Variants in SKOR2 observed in about 807,000 individuals in gnomAD.
The protein encoded by SKOR2 is SKI family transcriptional corepressor 2.
SKOR2 carries 47 observed loss-of-function variants against 69.1 expected under a neutral mutation model. The ratio of observed to expected loss-of-function variants is 0.68; its 90% CI spans 0.54 to 0.87. The LOEUF (loss-of-function observed/expected upper bound fraction) is 0.87, where lower values mean the gene tolerates loss of function less well. SKOR2 is among the 40% of genes least tolerant of loss of function. SKOR2 has a pLI of 0.00. For missense variants in SKOR2, 1,404 were observed against 1,472.2 expected, an observed-to-expected ratio of 0.95 and a Z score of 0.76; for synonymous variants, 717 against 672.6, an observed-to-expected ratio of 1.07 and a Z score of -1.02.
In SKOR2 at chr18:47,246,692, G is replaced by A. The variant is rs1331806145; in HGVS notation, c.2492C>T (p.Ser831Leu). Residue 831 changes from serine to leucine, a missense_variant, in exon 2 of 9, where the codon TCG becomes TTG. This residue lies in a region of SKOR2 where 1,266 missense variants were observed against 1,309.9 expected (regional missense o/e 0.97). Coordinates refer to ENST00000425639, the MANE Select transcript of SKOR2 (RefSeq NM_001278063.4). ...CGGCGGCGGGGGCGGGGGCAGGTCC[G>A]AGCCGGGGTCCCCGAGTTTCCCGTC... ...QEDGKLGDPG[S>L]DLPPPPPPPL... 3 of 1,470,092 alleles carry A rather than the reference G, an allele frequency of 2.0e-6. No individual in the cohort carries two copies. The highest frequency in any genetic ancestry group is 1.3e-5 in the South Asian group (1 of 75,884). The allele number at this position is 1,470,092 out of a possible 1,614,324, so 91.1% of individuals were successfully genotyped here. A position where few individuals can be genotyped will look rare whatever the true frequency, so the allele number is the denominator to read the frequency against.
intron 6 of SKOR2, among the ~76,000 whole-genome samples, chr18:47,220,946 T>C (rs1206888999): frequency 6.6e-6 from 1 of 152,100 alleles, no homozygotes; most frequent in Non-Finnish European, 1.5e-5. Context: ...CACCATCATA[T>C]TCTCCCCTCT....
intron 8 of SKOR2, among the ~76,000 whole-genome samples, chr18:47,211,319 CCT>C (rs1414619155): frequency 2.0e-5 from 3 of 152,150 alleles, no homozygotes; most frequent in Non-Finnish European, 4.4e-5. Context: ...GGTTTTTTCC[CCT>C]GATTTAGCAA....
chr18:47,213,303 G>A (rs1370514099), intron 7 of SKOR2, among the ~76,000 whole-genome samples: 1 of 150,404 alleles, frequency 6.6e-6, no homozygotes, highest in Non-Finnish European at 1.5e-5. Context: ...GTGAAATATG[G>A]CTGTTAAGTA....
At chr18:47,242,890 T>C (rs1003104302) in intron 4 of SKOR2, among the ~76,000 whole-genome samples, 4 of 152,320 alleles carry the variant, frequency 2.6e-5, no homozygotes, top group Non-Finnish European at 5.9e-5. Flanking sequence ...TACTGGTGAA[T>C]GGAAAGCAGG....
chr18:47,233,276 A>C lies in SKOR2; in HGVS notation c.2753-2276T>G, dbSNP rs79635628. ...GGCTCAGATGTACTCTTGAACCTTG[A>C]TACCTTGGCTTTCTTCTCCATATAA... On this transcript the variant is annotated intron_variant, in intron 4 of 8. Transcript: ENST00000425639. Among the ~76,000 whole-genome samples the C allele has an allele frequency of 1.7e-3, 258 of 152,306 alleles. 2 individuals carry two copies. Among genetic ancestry groups the C allele is most frequent in the African/African-American group, 6.1e-3 (253 of 41,566 alleles).
Position 47,234,036 on chromosome 18 carries a change from G to A in SKOR2, c.2753-3036C>T, listed in dbSNP as rs938999084. 5.3e-5 allele frequency among the ~76,000 whole-genome samples: 8 copies of A among 152,292 alleles called. No homozygotes were observed. The South Asian group carries it at 8.3e-4, about 16-fold the overall frequency. On this transcript the variant is annotated intron_variant, in intron 4 of 8. Transcript: ENST00000425639. Reference sequence around the variant, plus strand: ...AAAATCTGCCAATTTTGAGCTTAGAGGATTCGAATGCCTCACTTACAAAGG... The same window carrying A: ...AAAATCTGCCAATTTTGAGCTTAGAAGATTCGAATGCCTCACTTACAAAGG...
chr18:47,249,526 G>A (rs2668771), intron 1 of SKOR2, among the ~76,000 whole-genome samples: 101,642 of 152,124 alleles, frequency 0.67, 35,289 homozygotes, highest in African/African-American at 0.88. Flanking sequence ...GGATTTATAG[G>A]AGCCGTTGGA....
At chr18:47,220,284 A>G (rs1178637006) in intron 6 of SKOR2, among the ~76,000 whole-genome samples, 1 of 152,052 alleles carries the variant, frequency 6.6e-6, no homozygotes, top group Non-Finnish European at 1.5e-5. Context: ...AATATCCCAC[A>G]CAATCATGTT....
rs115522183 is a variant in SKOR2, at chr18:47,240,539, C to G, written c.2752+4369G>C. Among the ~76,000 whole-genome samples the G allele has an allele frequency of 7.3e-3, 1,106 of 152,096 alleles. 11 individuals carry two copies. Among genetic ancestry groups the G allele is most frequent in the African/African-American group, 0.026 (1,060 of 41,452 alleles). ...GCTGCTTGAGAACTTCATGTTTGGT[C>G]CCTCAATTATACAGAATTATATCTG... On this transcript the variant is annotated intron_variant, in intron 4 of 8. Coordinates refer to ENST00000425639, the MANE Select transcript of SKOR2 (RefSeq NM_001278063.4).
chr18:47,238,320 CTTTTTT>C (rs772229985), intron 4 of SKOR2, among the ~76,000 whole-genome samples: 3 of 108,068 alleles, frequency 2.8e-5, no homozygotes, highest in Admixed American at 1.0e-4. Flanking sequence ...CTTTTCTTTT[CTTTTTT>C]TTTTTTTTTT....
At chr18:47,228,240 A>G (rs1056555040) in intron 6 of SKOR2, among the ~76,000 whole-genome samples, 1 of 152,352 alleles carries the variant, frequency 6.6e-6, no homozygotes, top group Admixed American at 6.5e-5. Context: ...ACTTGGGCAC[A>G]CACATGCCAC....
At chr18:47,214,995 A>T (rs56239329) in intron 7 of SKOR2, among the ~76,000 whole-genome samples, 13,180 of 54,004 alleles carry the variant, frequency 0.24, 614 homozygotes, top group Non-Finnish European at 0.27. Flanking sequence ...ACTGGAGTTT[A>T]AAAAAAAAAA....
Position 47,247,200 on chromosome 18 carries a change from G to C in SKOR2, c.1984C>G (p.His662Asp). Residue 662 changes from histidine (H) to aspartate (D), a missense_variant, in exon 2 of 9, where the codon CAC (histidine) becomes GAC (aspartate). Physicochemically the swap from His to Asp is moderately conservative, Grantham distance 81 (BLOSUM62 -1). Transcript: ENST00000425639. This position sits in a 1 kb window ranked among gnomAD's most constrained non-coding sequence, Gnocchi z 6.6. The stretch of plus-strand genomic sequence containing the variant: ...GGGGGGTGGTGGTGGTGGTGGTGGT[G>C]GTGAGGGTGGTGATGGTGGTGGGGA... Reference protein sequence around the residue: ...THPHHHHHPHHHHHHHHPPQP... With the variant: ...THPHHHHHPHDHHHHHHPPQP... The C allele has an allele frequency of 1.4e-6, 2 of 1,394,008 alleles. No individual in the cohort carries two copies. The highest frequency in any genetic ancestry group is 1.9e-6 in the Non-Finnish European group (2 of 1,075,086). The allele number at this position is 1,394,008 out of a possible 1,614,324, so 86.4% of individuals were successfully genotyped here.
rs1226733504 is a variant in SKOR2 at position 47,248,494 on chromosome 18, G to A, written c.690C>T (p.Asp230=). 5 of 1,536,640 alleles carry A rather than the reference G, an allele frequency of 3.3e-6. No homozygotes were observed. Among genetic ancestry groups the A allele is most frequent in the East Asian group, 4.9e-5 (2 of 40,860 alleles). Residue 230 remains aspartate, a synonymous_variant, in exon 2 of 9, where the codon GAC becomes GAT. Transcript: ENST00000425639. This position sits in a 1 kb window ranked among gnomAD's most constrained non-coding sequence, Gnocchi z 6.4. ...TGCCGCCGTTGAACATGGCCTTGACGTCCTCCCAGGCGAAGACCAGCTCGT... is the reference window on the plus strand; with the variant it reads ...TGCCGCCGTTGAACATGGCCTTGACATCCTCCCAGGCGAAGACCAGCTCGT... ...PQDELVFAWE[D]VKAMFNGGSR... is the part of the protein sequence containing the mutation.
intron 7 of SKOR2, among the ~76,000 whole-genome samples, chr18:47,218,933 A>G (rs920557240): frequency 6.6e-6 from 1 of 152,234 alleles, no homozygotes; most frequent in Non-Finnish European, 1.5e-5. Flanking sequence ...AGGAAAACCA[A>G]TTGCTGCAAA....
intron 4 of SKOR2, among the ~76,000 whole-genome samples, chr18:47,241,429 A>C (rs2064248250): frequency 6.6e-6 from 1 of 152,194 alleles, no homozygotes; most frequent in South Asian, 2.1e-4. Context: ...TAAATACATT[A>C]ATACCAAAAC....
intron 4 of SKOR2, among the ~76,000 whole-genome samples, chr18:47,236,422 G>A (rs2064223972): frequency 6.6e-6 from 1 of 152,108 alleles, no homozygotes. Context: ...TGCCATCCAA[G>A]TCTTTTCTTG....
intron 8 of SKOR2, among the ~76,000 whole-genome samples, chr18:47,210,343 T>G (rs1360159429): frequency 6.6e-6 from 1 of 152,170 alleles, no homozygotes; most frequent in South Asian, 2.1e-4. Context: ...TGTTTGTGTA[T>G]GTGTGTGTTT....
At position 47,247,849 on chromosome 18, in the gene SKOR2, C is replaced by A; in HGVS notation, c.1335G>T (p.Ala445=). The change falls in exon 2 of 9, where the codon GCG becomes GCT. Residue 445 remains alanine, a synonymous_variant. Transcript: ENST00000425639. This position sits in a 1 kb window ranked among gnomAD's most constrained non-coding sequence, Gnocchi z 6.6. ...GGAGAGGAGA[A]PKAGLSGLFW... ...AGAGGCCGGACAAGCCGGCCTTGGGCGCCGCGCCCGCGCCGCCTGCGCCCG... is the reference window on the plus strand; with the variant it reads ...AGAGGCCGGACAAGCCGGCCTTGGGAGCCGCGCCCGCGCCGCCTGCGCCCG... 7.3e-7 allele frequency: 1 copy of A among 1,361,392 alleles called. No individual in the cohort carries two copies. Among genetic ancestry groups the A allele is most frequent in the South Asian group, 1.8e-5 (1 of 56,128 alleles). The allele number at this position is 1,361,392 out of a possible 1,614,324, so 84.3% of individuals were successfully genotyped here. A position where few individuals can be genotyped will look rare whatever the true frequency, so the allele number is the denominator to read the frequency against.
Sources: gnomAD v4.1 joint callset for allele counts (sites outside exome capture counted in the v4.1 genomes callset) on GRCh38, gnomAD v4.1.1 for gene constraint, gnomAD v4.1.1 regional missense constraint, Gnocchi (gnomAD v3.1) non-coding constraint, MANE v1.5 for transcripts, NCBI Gene and HGNC (gene_info 2026-07-23, HGNC 2026-07-21) for gene names.